The following NCAM1 variants were observed in gnomAD, a reference collection of about 807,000 sequenced individuals.
NCAM1 encodes the protein neural cell adhesion molecule 1.
In NCAM1, 14 loss-of-function variants were observed where a neutral mutation model predicts 109.8. The observed-to-expected ratio is 0.13, with a 90% CI of 0.08 to 0.20. NCAM1 has a LOEUF of 0.20. Among genes scored for constraint, NCAM1 ranks in the 10% least tolerant of loss-of-function variants. The pLI is 1.00. For synonymous variants in NCAM1, 418 were observed against 442.9 expected, an observed-to-expected ratio of 0.94 and a Z score of 0.70; for missense variants, 774 against 1,109.9, an observed-to-expected ratio of 0.70 and a Z score of 4.30.
At chr11:113,216,196 T>C (rs1944524744) in intron 8 of NCAM1, among the ~76,000 whole-genome samples, 2 of 142,840 alleles carry the variant, frequency 1.4e-5, no homozygotes, top group South Asian at 4.5e-4. Context: ...TCGCCCAGGC[T>C]GGAGTGCAGT....
intron 1 of NCAM1, among the ~76,000 whole-genome samples, chr11:112,972,105 G>T (rs1950899219): frequency 6.6e-6 from 1 of 152,130 alleles, no homozygotes; most frequent in African/African-American, 2.4e-5. Context: ...AAATAAATAT[G>T]CAGACACTGG....
At chr11:113,191,501 C>G (rs1943672252) in intron 1 of NCAM1, among the ~76,000 whole-genome samples, 1 of 152,148 alleles carries the variant, frequency 6.6e-6, no homozygotes, top group Non-Finnish European at 1.5e-5. Flanking sequence ...TACTTAAGAG[C>G]AAGGGCTGTG....
At chr11:112,977,366 C>G (rs1016113267) in intron 1 of NCAM1, 1 of 151,704 alleles carries the variant, frequency 6.6e-6, no homozygotes, top group African/African-American at 2.4e-5. Context: ...TATTATAGCT[C>G]TTTTATAATT....
intron 1 of NCAM1, among the ~76,000 whole-genome samples, chr11:113,101,068 G>T (rs1939853401): frequency 6.6e-6 from 1 of 152,130 alleles, no homozygotes; most frequent in East Asian, 1.9e-4. Flanking sequence ...ATTCAAATTA[G>T]GAGATTCCAG....
chr11:113,173,997 T>C (rs1356195025), intron 1 of NCAM1, among the ~76,000 whole-genome samples: 1 of 152,054 alleles, frequency 6.6e-6, no homozygotes, highest in African/African-American at 2.4e-5. Context: ...CTCCATGGCA[T>C]GTTACCTTTG....
intron 1 of NCAM1, chr11:113,133,813 C>T (rs1209066036): frequency 6.6e-6 from 1 of 152,070 alleles, no homozygotes; most frequent in Non-Finnish European, 1.5e-5. Context: ...ATTGCTTTGG[C>T]TCCAGACTTT....
Position 113,262,784 on chromosome 11 carries a change from C to T in NCAM1, c.2131+2461C>T, listed in dbSNP as rs190506209. The T allele has an allele frequency of 7.2e-5, 114 of 1,573,602 alleles. 1 individual carries two copies. In the East Asian group the frequency reaches 2.4e-3, roughly 33 times the overall value. On this transcript the variant is annotated intron_variant, in intron 17 of 19. Coordinates refer to ENST00000316851, the MANE Select transcript of NCAM1 (RefSeq NM_181351.5). ...CTTGGACGTCACTGGGACATCCCCA[C>T]TGCCACATTTGTTTTTAAACAACCA...
chr11:113,232,439 CCTG>C, intron 11 of NCAM1, 85 bp downstream of exon 11: 1 of 1,353,808 alleles, frequency 7.4e-7, no homozygotes, highest in Non-Finnish European at 1.0e-6. Context: ...AGTCCTCTCT[CCTG>C]CTTCTCTGGC....
At chr11:113,021,925 G>T (rs1555076339) in intron 1 of NCAM1, among the ~76,000 whole-genome samples, 1 of 152,206 alleles carries the variant, frequency 6.6e-6, no homozygotes, top group Non-Finnish European at 1.5e-5. Flanking sequence ...GTGCAATAGG[G>T]AGAAGACGGG....
At chr11:113,020,168 T>C (rs1224658832) in intron 1 of NCAM1, among the ~76,000 whole-genome samples, 13 of 152,216 alleles carry the variant, frequency 8.5e-5, no homozygotes, top group African/African-American at 3.1e-4. Flanking sequence ...TTTTTGTGAT[T>C]TGAGCAGTTT....
At chr11:113,226,605 A>T (rs1041486558) in intron 9 of NCAM1, among the ~76,000 whole-genome samples, 25 of 152,342 alleles carry the variant, frequency 1.6e-4, no homozygotes, top group Non-Finnish European at 2.5e-4. Flanking sequence ...AGAACTCTCC[A>T]CCCCAATTCA....
Position 113,123,421 on chromosome 11 carries a change from C to T in NCAM1, c.53-78958C>T, listed in dbSNP as rs116211502. On this transcript the variant is annotated intron_variant, in intron 1 of 19. Coordinates refer to ENST00000316851, the MANE Select transcript of NCAM1 (RefSeq NM_181351.5). ...TACTCTTTCCATCTTCCTCCCCTTC[C>T]CTTGCCTTGGAAAAGGGTAAAGGAA... is the stretch of plus-strand genomic sequence containing the variant. 6.4e-3 allele frequency among the ~76,000 whole-genome samples: 973 copies of T among 152,274 alleles called. 8 individuals are homozygous for T. Among genetic ancestry groups the T allele is most frequent in the African/African-American group, 0.022 (924 of 41,530 alleles).
intron 15 of NCAM1, among the ~76,000 whole-genome samples, chr11:113,248,884 A>G (rs1190339936): frequency 6.6e-6 from 1 of 152,136 alleles, no homozygotes; most frequent in East Asian, 1.9e-4. Flanking sequence ...CCCAGAAAAG[A>G]AGAAGTGAGG....
At chr11:113,140,118 A>G (rs1941760125) in intron 1 of NCAM1, among the ~76,000 whole-genome samples, 1 of 152,230 alleles carries the variant, frequency 6.6e-6, no homozygotes, top group Non-Finnish European at 1.5e-5. Context: ...AAAGATGAAG[A>G]AACAGCGCCC....
intron 1 of NCAM1, among the ~76,000 whole-genome samples, chr11:113,183,148 G>A (rs1165559883): frequency 6.6e-6 from 1 of 152,154 alleles, no homozygotes; most frequent in African/African-American, 2.4e-5. Flanking sequence ...GTTTGTAGGG[G>A]CAAGACCAGA....
At chr11:113,195,455 C>CCACACACACACACA (rs10642528) in intron 1 of NCAM1, among the ~76,000 whole-genome samples, 1 of 141,492 alleles carries the variant, frequency 7.1e-6, no homozygotes, top group Non-Finnish European at 1.5e-5. Context: ...TAAATACACA[C>CCACACACACACACA]CACACACACA....
chr11:113,159,716 T>C (rs1942534442), intron 1 of NCAM1, among the ~76,000 whole-genome samples: 1 of 152,170 alleles, frequency 6.6e-6, no homozygotes, highest in Non-Finnish European at 1.5e-5. Flanking sequence ...TTTTGTTTTT[T>C]TTATTATACT....
intron 1 of NCAM1, among the ~76,000 whole-genome samples, chr11:113,172,187 A>G (rs1269934948): frequency 2.6e-5 from 4 of 152,234 alleles, no homozygotes; most frequent in Non-Finnish European, 5.9e-5. Context: ...AAACTAACAT[A>G]GTACATCTCA....
chr11:113,181,592 A>G (rs1287334231), intron 1 of NCAM1, among the ~76,000 whole-genome samples: 6 of 152,132 alleles, frequency 3.9e-5, no homozygotes, highest in African/African-American at 1.4e-4. Context: ...TAAGTAATGG[A>G]TTGATCTGTG....
Sources: gnomAD v4.1 joint callset for allele counts (sites outside exome capture counted in the v4.1 genomes callset) on GRCh38, gnomAD v4.1.1 for gene constraint, MANE v1.5 for transcripts, NCBI Gene and HGNC (gene_info 2026-07-23, HGNC 2026-07-21) for gene names.